Variants in NF1 observed in about 807,000 individuals in gnomAD.
The protein encoded by NF1 is neurofibromin.
Under a neutral mutation model 325.7 loss-of-function variants are expected in NF1, and 122 were observed. The observed-to-expected ratio is 0.37, with a 90% CI of 0.32 to 0.44. The LOEUF (loss-of-function observed/expected upper bound fraction) is 0.44. NF1 is among the 20% of genes least tolerant of loss of function. The pLI, the probability that NF1 is intolerant of heterozygous loss-of-function variation, is 1.00. For synonymous variants in NF1, 1,091 were observed against 1,186.0 expected, an observed-to-expected ratio of 0.92 and a Z score of 1.65; for missense variants, 2,140 against 3,415.4, an observed-to-expected ratio of 0.63 and a Z score of 9.31.
intron 1 of NF1, among the ~76,000 whole-genome samples, chr17:31,107,668 C>T (rs1200975516): frequency 6.6e-6 from 1 of 152,082 alleles, no homozygotes; most frequent in Non-Finnish European, 1.5e-5. Context: ...TTCCCACCCC[C>T]ACCAAAAAAT....
At chr17:31,154,669 T>C (rs1917190341) in intron 1 of NF1, among the ~76,000 whole-genome samples, 1 of 151,874 alleles carries the variant, frequency 6.6e-6, no homozygotes, top group Non-Finnish European at 1.5e-5. Context: ...GTAGTTTCTG[T>C]TCTGCCCCCT....
chr17:31,225,413 A>G (rs1272269210), intron 17 of NF1, among the ~76,000 whole-genome samples, 163 bp downstream of exon 17: 2 of 152,176 alleles, frequency 1.3e-5, no homozygotes, highest in African/African-American at 4.8e-5. Flanking sequence ...AGTTCTTAAC[A>G]TCCTTGTTCC....
intron 36 of NF1, chr17:31,294,849 A>G (rs2151498322): frequency 1.1e-6 from 1 of 901,416 alleles, no homozygotes; most frequent in East Asian, 2.6e-5. Context: ...CATTTCTTTT[A>G]TTTAAGACAA....
Position 31,162,757 on chromosome 17 carries a change from C to T in NF1, c.289-429C>T, listed in dbSNP as rs144879591. ...TAGTGTCTGTTTTGGTCAGTCTGCA[C>T]AAAAGCAAGTGTGATGGCTCACCCA... On this transcript the variant is annotated intron_variant, in intron 3 of 57. Transcript: ENST00000358273. Among the ~76,000 whole-genome samples, 58 of 152,270 alleles carry T rather than the reference C, an allele frequency of 3.8e-4. 1 individual carries two copies. The highest frequency in any genetic ancestry group is 1.3e-3 in the African/African-American group (56 of 41,546).
At position 31,260,412 on chromosome 17, in the gene NF1, G is replaced by A. The variant is rs2151464616; in HGVS notation, c.4474G>A (p.Val1492Ile). 6.2e-7 allele frequency: 1 copy of A among 1,614,004 alleles called. No individual in the cohort carries two copies. The highest frequency in any genetic ancestry group is 1.1e-5 in the South Asian group (1 of 91,086). ...IASDCPTSDA[V>I]NHSLSFISDG... ...ATCTGATTGTCCTACAAGTGATGCA[G>A]TAAATCATAGTCTTTCCTTCATAAG... The change falls in exon 34 of 58, where the codon GTA (valine) becomes ATA (isoleucine). Residue 1492 changes from valine to isoleucine, a missense_variant. Physicochemically the swap from Val to Ile is conservative, Grantham distance 29. This residue lies in a region of NF1 where 336 missense variants were observed against 399.0 expected (regional missense o/e 0.84). Coordinates refer to ENST00000358273, the MANE Select transcript of NF1 (RefSeq NM_001042492.3).
intron 1 of NF1, among the ~76,000 whole-genome samples, chr17:31,152,745 T>C (rs1264568978): frequency 6.6e-6 from 1 of 151,788 alleles, no homozygotes; most frequent in African/African-American, 2.4e-5. Flanking sequence ...CTTGGCTCAC[T>C]TTGAAATAAT....
chr17:31,211,748 A>G (rs2066731008), intron 12 of NF1, among the ~76,000 whole-genome samples: 1 of 152,226 alleles, frequency 6.6e-6, no homozygotes, highest in Non-Finnish European at 1.5e-5. Flanking sequence ...TATAAAAGAA[A>G]AAAATGTATA....
At position 31,240,389 on chromosome 17, in the gene NF1, G is replaced by A. The variant is rs924278755; in HGVS notation, c.3974+4368G>A. ...AACATCATAACCTTCAGTTCCATCC[G>A]TGTTGTTGCAAATGACAGGAATCTC... On this transcript the variant is annotated intron_variant, in intron 29 of 57. Transcript: ENST00000358273. Among the ~76,000 whole-genome samples the A allele has an allele frequency of 4.6e-5, 7 of 152,158 alleles. No homozygotes were observed. In the East Asian group the frequency reaches 5.8e-4, roughly 13 times the overall value.
At chr17:31,282,381 CAAAAAAA>C (rs35267324) in intron 36 of NF1, among the ~76,000 whole-genome samples, 1 of 99,016 alleles carries the variant, frequency 1.0e-5, no homozygotes, top group African/African-American at 3.4e-5. Context: ...GATTCCATCT[CAAAAAAA>C]AAAAAAAAAA....
intron 1 of NF1, among the ~76,000 whole-genome samples, chr17:31,103,279 C>T (rs778245567): frequency 6.6e-6 from 1 of 152,090 alleles, no homozygotes; most frequent in Non-Finnish European, 1.5e-5. Context: ...TTCTCGCTTT[C>T]TCGCCTAGGC....
At chr17:31,357,500 T>C in intron 54 of NF1, 131 bp downstream of exon 54, 1 of 753,460 alleles carries the variant, frequency 1.3e-6, no homozygotes, top group Admixed American at 2.0e-5. Context: ...TTTGAGACAG[T>C]AGGTTTAATG....
chr17:31,297,604 C>A (rs977462121), intron 36 of NF1: 3 of 152,124 alleles, frequency 2.0e-5, no homozygotes, highest in African/African-American at 7.2e-5. Context: ...ATAAATTTGA[C>A]CTTCCTCATG....
intron 8 of NF1, among the ~76,000 whole-genome samples, chr17:31,193,416 C>T (rs2066381347): frequency 6.6e-6 from 1 of 152,210 alleles, no homozygotes; most frequent in Non-Finnish European, 1.5e-5. Flanking sequence ...ATGCGATCTT[C>T]TTCCACCTCA....
chr17:31,112,636 C>G (rs1049673365), intron 1 of NF1, among the ~76,000 whole-genome samples: 1 of 152,020 alleles, frequency 6.6e-6, no homozygotes, highest in Non-Finnish European at 1.5e-5. Context: ...TTGGGTTTTA[C>G]TGGAGTTTTC....
intron 36 of NF1, among the ~76,000 whole-genome samples, chr17:31,288,536 T>G (rs2341353): frequency 3.9e-5 from 2 of 51,558 alleles, no homozygotes; most frequent in Non-Finnish European, 6.1e-5. Context: ...TTTTTTTTTT[T>G]TTTTTTTTTT....
rs75192680 is a variant in NF1, at chr17:31,209,424, A to C, written c.1392+3053A>C. On this transcript the variant is annotated intron_variant, in intron 12 of 57. Transcript: ENST00000358273. ...AGTTACTTGTTGGAAGGAGCTAATT[A>C]TTTGAAAATTTTCTCTTCGACCAAG... Among the ~76,000 whole-genome samples the C allele has an allele frequency of 2.0e-4, 30 of 152,314 alleles. No individual in the cohort carries two copies. The East Asian group carries it at 5.8e-3, about 29-fold the overall frequency.
At chr17:31,342,395 C>T (rs1204867998) in intron 47 of NF1, among the ~76,000 whole-genome samples, 1 of 152,000 alleles carries the variant, frequency 6.6e-6, no homozygotes. Context: ...GTTAGGAGTT[C>T]GAGACCAGCC....
chr17:31,311,030 T>A (rs2068861055), intron 36 of NF1, among the ~76,000 whole-genome samples: 1 of 151,060 alleles, frequency 6.6e-6, no homozygotes, highest in East Asian at 1.9e-4. Flanking sequence ...CACTGCAGCC[T>A]CTGCCTCCTG....
intron 1 of NF1, among the ~76,000 whole-genome samples, chr17:31,147,792 T>C (rs1197783401): frequency 6.6e-6 from 1 of 152,186 alleles, no homozygotes. Flanking sequence ...CTGCAAGGCT[T>C]TCAAATTCTG....
Sources: allele counts gnomAD v4.1 joint callset (sites outside exome capture counted in the v4.1 genomes callset), GRCh38; gene constraint gnomAD v4.1.1; regional missense constraint gnomAD v4.1.1; transcripts MANE v1.5; gene names NCBI Gene and HGNC (gene_info 2026-07-23, HGNC 2026-07-21).